GRM8: variants seen among roughly 807,000 people sequenced by gnomAD.
GRM8 encodes the protein metabotropic glutamate receptor 8.
Under a neutral mutation model 87.2 loss-of-function variants are expected in GRM8, and 47 were observed. The ratio of observed to expected loss-of-function variants is 0.54; its 90% confidence interval spans 0.43 to 0.69. GRM8 has a LOEUF of 0.69. Ranked by LOEUF, GRM8 falls within the 30% of genes least tolerant of loss-of-function variation. GRM8 has a pLI of 0.00. For missense variants in GRM8, 1,019 were observed against 1,139.2 expected (o/e 0.89, Z 1.52); for synonymous variants, 396 against 404.5 (o/e 0.98, Z 0.25).
Position 127,079,116 on chromosome 7 carries a change from C to A in GRM8, c.727+27380G>T, listed in dbSNP as rs4615512. ...ATATATACATGTGGGCTTTGTGTTT[C>A]TTTTTTCTTTCTTTCTTTTTCTGAG... On this transcript the variant is annotated intron_variant, in intron 3 of 10. Coordinates refer to ENST00000339582, the MANE Select transcript of GRM8 (RefSeq NM_000845.3). Among the ~76,000 whole-genome samples the A allele has an allele frequency of 2.2e-3, 338 of 151,740 alleles. 2 individuals are homozygous for A. Among genetic ancestry groups the A allele is most frequent in the African/African-American group, 8.0e-3 (329 of 41,354 alleles).
At chr7:126,982,827 T>C (rs886767790) in intron 3 of GRM8, among the ~76,000 whole-genome samples, 15 of 152,092 alleles carry the variant, frequency 9.9e-5, no homozygotes, top group Non-Finnish European at 7.4e-5. Context: ...CAGGTCATGG[T>C]TTTTTTCCTG....
At chr7:126,865,716 A>G (rs891325857) in intron 6 of GRM8, among the ~76,000 whole-genome samples, 1 of 152,218 alleles carries the variant, frequency 6.6e-6, no homozygotes, top group African/African-American at 2.4e-5. Context: ...GCTTTCACTT[A>G]GCATCATGCT....
intron 7 of GRM8, among the ~76,000 whole-genome samples, chr7:126,691,346 G>T (rs1299495712): frequency 1.3e-5 from 2 of 152,216 alleles, no homozygotes; most frequent in East Asian, 3.9e-4. Flanking sequence ...CGGGAGTGGG[G>T]AGAGGCCAGG....
chr7:127,212,827 C>G (rs1256338007), intron 2 of GRM8, among the ~76,000 whole-genome samples: 2 of 152,182 alleles, frequency 1.3e-5, no homozygotes, highest in Non-Finnish European at 2.9e-5. Context: ...CCACTTCCAA[C>G]CAGCCTGCTT....
At chr7:127,172,404 TA>T (rs1793861506) in intron 2 of GRM8, among the ~76,000 whole-genome samples, 3 of 152,130 alleles carry the variant, frequency 2.0e-5, no homozygotes, top group African/African-American at 4.8e-5. Flanking sequence ...TGAAGTCCAG[TA>T]AAAAATTTCC....
chr7:126,594,647 A>C (rs1194967637), intron 8 of GRM8, among the ~76,000 whole-genome samples: 1 of 152,140 alleles, frequency 6.6e-6, no homozygotes, highest in Non-Finnish European at 1.5e-5. Context: ...TATGTTCAAG[A>C]GATCTATTGT....
intron 7 of GRM8, among the ~76,000 whole-genome samples, chr7:126,686,272 C>A (rs1055852549): frequency 1.3e-5 from 2 of 152,126 alleles, no homozygotes; most frequent in African/African-American, 4.8e-5. Context: ...CTCCACTTGT[C>A]TGCATATTTC....
chr7:126,776,434 G>A (rs1369401754), intron 6 of GRM8, among the ~76,000 whole-genome samples: 1 of 152,052 alleles, frequency 6.6e-6, no homozygotes, highest in Non-Finnish European at 1.5e-5. Flanking sequence ...GTGAAGATTT[G>A]GTTAATGATA....
At chr7:127,030,712 T>C (rs1586801636) in intron 3 of GRM8, among the ~76,000 whole-genome samples, 2 of 152,132 alleles carry the variant, frequency 1.3e-5, no homozygotes, top group East Asian at 3.9e-4. Context: ...ATAGTACTGG[T>C]AGTTCAAAAT....
intron 7 of GRM8, among the ~76,000 whole-genome samples, chr7:126,670,561 G>C (rs569879787): frequency 3.8e-4 from 58 of 152,180 alleles, no homozygotes; most frequent in African/African-American, 1.3e-3. Context: ...TTGTTGTCTT[G>C]TTTTAATCCT....
At chr7:126,477,622 A>AGAAAGAAAGAAAAAAC (rs1806143300) in intron 9 of GRM8, among the ~76,000 whole-genome samples, 1 of 143,898 alleles carries the variant, frequency 6.9e-6, no homozygotes, top group African/African-American at 2.6e-5. Context: ...AAAGAAAGAA[A>AGAAAGAAAGAAAAAAC]GAAAGAAAGA....
rs1002332599 is a variant in GRM8 at position 127,232,852 on chromosome 7, G to A, written c.510+9843C>T. Among the ~76,000 whole-genome samples, 119 of 151,878 alleles carry A rather than the reference G, an allele frequency of 7.8e-4. 1 individual carries two copies. The highest frequency in any genetic ancestry group is 2.8e-3 in the African/African-American group (115 of 41,360). On this transcript the variant is annotated intron_variant, in intron 2 of 10. Coordinates refer to ENST00000339582, the MANE Select transcript of GRM8 (RefSeq NM_000845.3). ...AACTGGGGTTTTTTGTTTTTGTTTT[G>A]TTTTTGAGACAGAGTCTTGCTGTTA... is the stretch of plus-strand genomic sequence containing the variant.
At chr7:126,638,798 C>T (rs1370295562) in intron 7 of GRM8, among the ~76,000 whole-genome samples, 1 of 152,176 alleles carries the variant, frequency 6.6e-6, no homozygotes, top group East Asian at 1.9e-4. Context: ...CACCCTGGAG[C>T]CACTCATTCT....
intron 6 of GRM8, among the ~76,000 whole-genome samples, chr7:126,818,555 T>G (rs1793999265): frequency 6.6e-6 from 1 of 152,184 alleles, no homozygotes; most frequent in Admixed American, 6.5e-5. Context: ...TATAATAATT[T>G]TATTTTTCCT....
chr7:127,139,320 A>G (rs1351667577), intron 2 of GRM8, among the ~76,000 whole-genome samples: 1 of 152,102 alleles, frequency 6.6e-6, no homozygotes, highest in East Asian at 1.9e-4. Context: ...GAAAAGAGAT[A>G]ACAAAATGTA....
chr7:127,083,170 T>G (rs934078951), intron 3 of GRM8, among the ~76,000 whole-genome samples: 5 of 152,210 alleles, frequency 3.3e-5, no homozygotes, highest in African/African-American at 4.8e-5. Context: ...CTCAATAATA[T>G]TTTTTAAAAT....
At chr7:127,154,014 A>T (rs533520672) in intron 2 of GRM8, among the ~76,000 whole-genome samples, 1 of 152,198 alleles carries the variant, frequency 6.6e-6, no homozygotes, top group South Asian at 2.1e-4. Context: ...ATGGCTGCCC[A>T]GTCACCTCTG....
At chr7:126,879,176 C>T (rs1312411102) in intron 6 of GRM8, among the ~76,000 whole-genome samples, 38 of 9,110 alleles carry the variant, frequency 4.2e-3, no homozygotes, top group African/African-American at 0.011. Context: ...GGGGTGGGGT[C>T]GGGGGAGGGG....
intron 6 of GRM8, among the ~76,000 whole-genome samples, chr7:126,897,865 A>G (rs902473248): frequency 2.8e-4 from 43 of 152,104 alleles, no homozygotes; most frequent in Admixed American, 2.4e-3. Context: ...TAGAGGGGAA[A>G]ATTATCTCAG....
Sources: allele counts gnomAD v4.1 joint callset (sites outside exome capture counted in the v4.1 genomes callset), GRCh38; gene constraint gnomAD v4.1.1; transcripts MANE v1.5; gene names NCBI Gene and HGNC (gene_info 2026-07-23, HGNC 2026-07-21).